The following SNRPN variants were observed in gnomAD, a reference collection of about 807,000 sequenced individuals.
The protein encoded by SNRPN is small nuclear ribonucleoprotein-associated protein N.
In SNRPN, 7 loss-of-function variants were observed where a neutral mutation model predicts 25.2. That is an observed-to-expected ratio of 0.28 (90% CI 0.16 to 0.52). The LOEUF (loss-of-function observed/expected upper bound fraction) is 0.52, where lower values mean the gene tolerates loss of function less well. Among genes scored for constraint, SNRPN ranks in the 20% least tolerant of loss-of-function variants. SNRPN has a pLI of 0.96. For missense variants in SNRPN, 196 were observed against 322.5 expected, an observed-to-expected ratio of 0.61 and a Z score of 3.00; for synonymous variants, 124 against 110.6, an observed-to-expected ratio of 1.12 and a Z score of -0.76.
intron 2 of SNRPN, among the ~76,000 whole-genome samples, chr15:24,891,536 C>A (rs1365935884): frequency 6.6e-6 from 1 of 151,852 alleles, no homozygotes; most frequent in East Asian, 1.9e-4. Context: ...CTCCTGGGTT[C>A]AAGCGATTCT....
At chr15:24,894,940 C>T (rs2057977523) in intron 2 of SNRPN, among the ~76,000 whole-genome samples, 1 of 152,150 alleles carries the variant, frequency 6.6e-6, no homozygotes, top group Non-Finnish European at 1.5e-5. Flanking sequence ...AGTTGATTTA[C>T]TGTATGTTTT....
At chr15:24,853,927 T>C (rs1473026212), upstream of SNRPN, among the ~76,000 whole-genome samples, 10 of 152,220 alleles carry the variant, frequency 6.6e-5, no homozygotes, top group South Asian at 4.1e-4. Flanking sequence ...TTCACCTCTT[T>C]ATGGGAAGAG....
chr15:24,967,240 G>A (rs1037469532), intron 2 of SNRPN: 1 of 152,264 alleles, frequency 6.6e-6, no homozygotes, highest in Non-Finnish European at 1.5e-5. Context: ...TTCTAGACTT[G>A]GTAAGTATCT....
chr15:24,864,856 C>A (rs770694580), intron 1 of SNRPN, among the ~76,000 whole-genome samples: 11 of 151,754 alleles, frequency 7.2e-5, no homozygotes, highest in Non-Finnish European at 1.6e-4. Context: ...AGTTATGTGC[C>A]TTTTATTGAT....
chr15:24,938,948 C>CGA (rs1566933524), intron 3 of SNRPN, among the ~76,000 whole-genome samples: 1 of 152,078 alleles, frequency 6.6e-6, no homozygotes, highest in African/African-American at 2.4e-5. Flanking sequence ...TTATTATATT[C>CGA]GAGAATTAGC....
chr15:24,894,462 G>A (rs528897376), intron 2 of SNRPN, among the ~76,000 whole-genome samples: 11 of 152,040 alleles, frequency 7.2e-5, no homozygotes, highest in East Asian at 5.8e-4. Context: ...CTCGTGATCC[G>A]CCCGCCTCGG....
chr15:24,971,388 A>G (rs1460184825), intron 3 of SNRPN, among the ~76,000 whole-genome samples: 1 of 152,180 alleles, frequency 6.6e-6, no homozygotes, highest in African/African-American at 2.4e-5. Flanking sequence ...GGTCATGACT[A>G]CATTGTATCA....
intron 2 of SNRPN, among the ~76,000 whole-genome samples, chr15:24,964,373 A>C (rs188225681): frequency 8.6e-5 from 13 of 151,578 alleles, no homozygotes; most frequent in African/African-American, 2.9e-4. Context: ...ATGGAGTGCA[A>C]CCTCCGCCTA....
rs2055930579 is a variant in SNRPN at position 24,876,692 on chromosome 15, A to C, written c.-578-9824A>C. 3.9e-5 allele frequency among the ~76,000 whole-genome samples: 6 copies of C among 152,266 alleles called. No homozygotes were observed. In the South Asian group the frequency reaches 1.2e-3, roughly 32 times the overall value. On this transcript the variant is annotated intron_variant, in intron 1 of 11. Transcript: ENST00000400097. ...TGAAATCCACAAAATGCATGAGCAT[A>C]CAACCCAAATTTAAGTGGTAATTGA...
chr15:24,890,137 A>G (rs1460008122), intron 2 of SNRPN, among the ~76,000 whole-genome samples: 1 of 151,926 alleles, frequency 6.6e-6, no homozygotes, highest in Non-Finnish European at 1.5e-5. Flanking sequence ...AAACCATGGA[A>G]GCAGGAAGGC....
At chr15:24,855,779 G>A (rs56044419), upstream of SNRPN, among the ~76,000 whole-genome samples, 3,725 of 123,688 alleles carry the variant, frequency 0.03, 156 homozygotes, top group African/African-American at 0.11. Flanking sequence ...GCAACAGAGC[G>A]AGAATCTGTC....
chr15:24,908,945 T>G (rs1451501567), intron 2 of SNRPN: 4 of 1,280,120 alleles, frequency 3.1e-6, no homozygotes, highest in Non-Finnish European at 4.5e-6. Context: ...CTCAGCAGCC[T>G]GCTTCTGAGC....
intron 1 of SNRPN, among the ~76,000 whole-genome samples, chr15:24,857,838 A>G (rs2053554739): frequency 6.6e-6 from 1 of 152,142 alleles, no homozygotes; most frequent in South Asian, 2.1e-4. Flanking sequence ...TACTCAAATC[A>G]ATCTCCCTGT....
intron 2 of SNRPN, among the ~76,000 whole-genome samples, chr15:24,904,789 C>A (rs1010062779): frequency 6.6e-6 from 1 of 151,852 alleles, no homozygotes; most frequent in Non-Finnish European, 1.5e-5. Context: ...CATGGTGAAA[C>A]CTTGTCTCTA....
intron 1 of SNRPN, among the ~76,000 whole-genome samples, chr15:24,858,786 GAA>G (rs1452874601): frequency 2.0e-5 from 3 of 152,238 alleles, no homozygotes; most frequent in South Asian, 4.1e-4. Flanking sequence ...GGGTGACAGA[GAA>G]AGACTCTGTG....
At chr15:24,905,983 TTAACGAG>T (rs1317353307) in intron 2 of SNRPN, among the ~76,000 whole-genome samples, 1 of 152,180 alleles carries the variant, frequency 6.6e-6, no homozygotes, top group Non-Finnish European at 1.5e-5. Context: ...CATTACAAGG[TTAACGAG>T]TGAGACTCCT....
intron 2 of SNRPN, among the ~76,000 whole-genome samples, chr15:24,831,882 A>G (rs60645704): frequency 0.048 from 7,222 of 152,002 alleles, 610 homozygotes; most frequent in African/African-American, 0.17. Flanking sequence ...GTTGATGGGC[A>G]CTTAGGTTGA....
At chr15:24,960,365 G>GGTCT (rs1359550716) in intron 1 of SNRPN, among the ~76,000 whole-genome samples, 1 of 151,938 alleles carries the variant, frequency 6.6e-6, no homozygotes, top group African/African-American at 2.4e-5. Context: ...TTTGAGGCAG[G>GGTCT]GTCTGGCTCT....
chr15:24,829,406 CAG>C (rs1566800191), intron 1 of SNRPN, among the ~76,000 whole-genome samples: 2 of 152,112 alleles, frequency 1.3e-5, no homozygotes, highest in South Asian at 4.2e-4. Context: ...GAGGAGGAAA[CAG>C]TGTGTCTGTG....
Sources: gnomAD v4.1 joint callset for allele counts (sites outside exome capture counted in the v4.1 genomes callset) on GRCh38, gnomAD v4.1.1 for gene constraint, MANE v1.5 for transcripts, NCBI Gene and HGNC (gene_info 2026-07-23, HGNC 2026-07-21) for gene names.